Variants in PYGO1 observed in about 807,000 individuals in gnomAD.
PYGO1 encodes the protein pygopus family PHD finger 1, also known as pygopus homolog 1.
A neutral mutation model predicts 29.5 loss-of-function variants in PYGO1; 6 were observed. The ratio of observed to expected loss-of-function variants is 0.20; its 90% CI spans 0.11 to 0.40. PYGO1 has a LOEUF of 0.40. Ranked by LOEUF, PYGO1 falls within the 10% of genes least tolerant of loss-of-function variation. PYGO1 has a pLI of 1.00. For missense variants in PYGO1, 515 were observed against 514.9 expected (o/e 1.00, Z 0.00); for synonymous variants, 186 against 180.5 (o/e 1.03, Z -0.24).
chr15:55,558,228 A>C (rs1189311921), intron 1 of PYGO1, among the ~76,000 whole-genome samples: 1 of 152,220 alleles, frequency 6.6e-6, no homozygotes, highest in Non-Finnish European at 1.5e-5. Flanking sequence ...GAGCCAAATC[A>C]TGAGTGAACT....
intron 1 of PYGO1, among the ~76,000 whole-genome samples, chr15:55,584,561 C>T (rs1449290069): frequency 1.3e-5 from 2 of 152,062 alleles, no homozygotes; most frequent in African/African-American, 2.4e-5. Context: ...GTTAAAATAA[C>T]GATGGCAGTT....
At chr15:55,563,279 A>T (rs1236486183) in intron 1 of PYGO1, among the ~76,000 whole-genome samples, 1 of 151,302 alleles carries the variant, frequency 6.6e-6, no homozygotes, top group Non-Finnish European at 1.5e-5. Flanking sequence ...AAACGGCCAA[A>T]GGTTTGTCTT....
chr15:55,587,714 G>T, intron 1 of PYGO1, 121 bp downstream of exon 1: 2 of 1,197,302 alleles, frequency 1.7e-6, no homozygotes, highest in South Asian at 3.9e-5. Context: ...GGGTGCCGGC[G>T]GGACGCGGGC....
chr15:55,567,356 T>A (rs1339104244), intron 1 of PYGO1, among the ~76,000 whole-genome samples: 1 of 151,760 alleles, frequency 6.6e-6, no homozygotes, highest in Non-Finnish European at 1.5e-5. Context: ...CACAAGCATG[T>A]GCCACCATAC....
rs1377930788 is a variant in PYGO1 at position 55,544,730 on chromosome 15, T to G, written c.*1293A>C. On this transcript the variant is annotated 3_prime_UTR_variant, in exon 3 of 3. Transcript: ENST00000563719. Reference sequence around the variant, plus strand: ...TAATGGTGGCAACATATTAGGGAGCTTTACCAGCCTCCAATGATTGTATAA... The same window carrying G: ...TAATGGTGGCAACATATTAGGGAGCGTTACCAGCCTCCAATGATTGTATAA... The G allele has an allele frequency of 6.6e-6, 1 of 152,172 alleles. No homozygotes were observed. Among genetic ancestry groups the G allele is most frequent in the Non-Finnish European group, 1.5e-5 (1 of 68,028 alleles). 9.4% of individuals were successfully genotyped at this position (152,172 alleles called of 1,614,324 possible).
intron 1 of PYGO1, among the ~76,000 whole-genome samples, chr15:55,563,597 G>T (rs953555600): frequency 1.3e-5 from 2 of 152,072 alleles, no homozygotes; most frequent in African/African-American, 4.8e-5. Context: ...TGATCCGCCT[G>T]CCTCGGCCTC....
intron 1 of PYGO1, among the ~76,000 whole-genome samples, chr15:55,567,392 G>C (rs111893440): frequency 1.3e-5 from 2 of 151,444 alleles, no homozygotes; most frequent in African/African-American, 2.4e-5. Context: ...ATTTTTTGTA[G>C]AGACAGGGTC....
chr15:55,545,962 C>A lies in PYGO1; in HGVS notation c.*61G>T. ...AAAAATAATGTAAAACATTAAAATC[C>A]TGTGTCAATGAACTTCTGCAATGCA... On this transcript the variant is annotated 3_prime_UTR_variant, in exon 3 of 3. Transcript: ENST00000563719. 1.4e-6 allele frequency: 2 copies of A among 1,440,818 alleles called. No individual in the cohort carries two copies. The highest frequency in any genetic ancestry group is 9.3e-7 in the Non-Finnish European group (1 of 1,069,596). 89.3% of individuals were successfully genotyped at this position (1,440,818 alleles called of 1,614,324 possible).
intron 1 of PYGO1, among the ~76,000 whole-genome samples, chr15:55,570,895 T>C (rs1318200193): frequency 6.6e-6 from 1 of 152,188 alleles, no homozygotes; most frequent in East Asian, 1.9e-4. Flanking sequence ...AAAACACATA[T>C]ATAATTTACC....
chr15:55,575,516 C>T, intron 1 of PYGO1, among the ~76,000 whole-genome samples: 1 of 152,074 alleles, frequency 6.6e-6, no homozygotes, highest in Non-Finnish European at 1.5e-5. Flanking sequence ...AAATCAATCA[C>T]CCTGTTCACA....
rs1423751311 is a variant in PYGO1 at position 55,545,407 on chromosome 15, CAAT to C, written c.*613_*615del. 1 of 152,152 alleles carries C rather than the reference CAAT, an allele frequency of 6.6e-6. No homozygotes were observed. The highest frequency in any genetic ancestry group is 1.5e-5 in the Non-Finnish European group (1 of 68,040). The allele number at this position is 152,152 out of a possible 1,614,324, so 9.4% of individuals were successfully genotyped here. On this transcript the variant is annotated 3_prime_UTR_variant, in exon 3 of 3. Coordinates refer to ENST00000563719, the MANE Select transcript of PYGO1 (RefSeq NM_001367806.1). ...GTGGTACCATCCACAAGTTAATCAA[CAAT>C]ACTTACTGAGAATTTACTATATGCT... is the stretch of plus-strand genomic sequence containing the variant.
intron 1 of PYGO1, among the ~76,000 whole-genome samples, chr15:55,571,775 A>G (rs2058981215): frequency 6.6e-6 from 1 of 152,182 alleles, no homozygotes; most frequent in Non-Finnish European, 1.5e-5. Flanking sequence ...TCTTTCTGTG[A>G]CTAGACTAAT....
chr15:55,555,448 C>A (rs1233018629), intron 1 of PYGO1, among the ~76,000 whole-genome samples: 1 of 142,652 alleles, frequency 7.0e-6, no homozygotes, highest in Non-Finnish European at 1.5e-5. Flanking sequence ...AACAAGCCTG[C>A]AAATTAACCA....
At chr15:55,581,795 G>C (rs2059025819) in intron 1 of PYGO1, among the ~76,000 whole-genome samples, 1 of 139,072 alleles carries the variant, frequency 7.2e-6, no homozygotes, top group Non-Finnish European at 1.5e-5. Flanking sequence ...AATGGATTAA[G>C]AGGGACTAAG....
chr15:55,556,445 C>T (rs2058905442), intron 1 of PYGO1, among the ~76,000 whole-genome samples: 1 of 152,088 alleles, frequency 6.6e-6, no homozygotes, highest in Admixed American at 6.5e-5. Flanking sequence ...TTCTTCGAAA[C>T]TAATGAGAAC....
intron 1 of PYGO1, among the ~76,000 whole-genome samples, chr15:55,572,538 A>G (rs1196019024): frequency 6.6e-6 from 1 of 152,230 alleles, no homozygotes; most frequent in Non-Finnish European, 1.5e-5. Flanking sequence ...CAACAAAAGC[A>G]GAAATAAGCA....
At chr15:55,588,869 C>T, upstream of PYGO1, 1 of 1,613,228 alleles carries the variant, frequency 6.2e-7, no homozygotes, top group Non-Finnish European at 8.5e-7. Flanking sequence ...ATCCAGATTC[C>T]CCGACTCCGT....
chr15:55,564,084 G>T (rs1009112363), intron 1 of PYGO1, among the ~76,000 whole-genome samples: 3 of 152,226 alleles, frequency 2.0e-5, no homozygotes, highest in African/African-American at 7.2e-5. Context: ...TCCAAGACAA[G>T]ACAACTGAAA....
chr15:55,565,863 C>G, intron 1 of PYGO1, among the ~76,000 whole-genome samples: 1 of 152,140 alleles, frequency 6.6e-6, no homozygotes, highest in East Asian at 1.9e-4. Flanking sequence ...TTCACTGCAA[C>G]CTCCAACTCC....
Sources: gnomAD v4.1 joint callset for allele counts (sites outside exome capture counted in the v4.1 genomes callset) on GRCh38, gnomAD v4.1.1 for gene constraint, MANE v1.5 for transcripts, NCBI Gene and HGNC (gene_info 2026-07-23, HGNC 2026-07-21) for gene names.